The following TPO variants were observed in gnomAD, a reference collection of about 807,000 sequenced individuals.
TPO encodes thyroid peroxidase.
In TPO, 78 loss-of-function variants were observed where a neutral mutation model predicts 96.9. That is an observed-to-expected ratio of 0.81 (90% CI 0.67 to 0.97). The LOEUF is 0.97. Ranked by LOEUF, TPO falls within the 50% of genes least tolerant of loss-of-function variation. The pLI, the probability that TPO is intolerant of heterozygous loss-of-function variation, is 0.00. For synonymous variants in TPO, 547 were observed against 538.0 expected (o/e 1.02, Z -0.23); for missense variants, 1,252 against 1,274.8 (o/e 0.98, Z 0.27).
chr2:1,542,117 G>C (rs936101783), intron 16 of TPO: 3 of 507,646 alleles, frequency 5.9e-6, no homozygotes, highest in Non-Finnish European at 1.1e-5. Context: ...TTCATCTGTG[G>C]TCGCAGGGAC....
At chr2:1,447,002 G>T (rs1666889452) in intron 5 of TPO, among the ~76,000 whole-genome samples, 1 of 151,832 alleles carries the variant, frequency 6.6e-6, no homozygotes, top group Non-Finnish European at 1.5e-5. Context: ...GTGTGTGTAT[G>T]TGTGTGTGTG....
chr2:1,376,625 C>A (rs1240099688), intron 1 of TPO, among the ~76,000 whole-genome samples: 1 of 152,142 alleles, frequency 6.6e-6, no homozygotes, highest in Non-Finnish European at 1.5e-5. Flanking sequence ...ACAGCACCCC[C>A]AGTCCAGTCC....
chr2:1,535,471 C>A (rs1238020005), intron 15 of TPO, among the ~76,000 whole-genome samples: 1 of 95,934 alleles, frequency 1.0e-5, no homozygotes, highest in East Asian at 4.0e-4. Flanking sequence ...CCCAAATCAG[C>A]CCCACTCCGT....
chr2:1,515,059 G>T (rs1037534993), intron 14 of TPO, among the ~76,000 whole-genome samples: 3 of 152,158 alleles, frequency 2.0e-5, no homozygotes, highest in African/African-American at 7.2e-5. Flanking sequence ...AATCCAGCCG[G>T]AAATGTCAAA....
At chr2:1,499,517 C>T (rs1208685342) in intron 13 of TPO, among the ~76,000 whole-genome samples, 2 of 152,140 alleles carry the variant, frequency 1.3e-5, no homozygotes, top group Admixed American at 6.5e-5. Flanking sequence ...AGCCAGTGCT[C>T]CTGGTGGGCT....
At chr2:1,380,821 C>G (rs373060009) in intron 1 of TPO, among the ~76,000 whole-genome samples, 51 of 152,174 alleles carry the variant, frequency 3.4e-4, no homozygotes, top group African/African-American at 1.2e-3. Context: ...AACTGGCTCA[C>G]AGTTCTGCAG....
intron 1 of TPO, among the ~76,000 whole-genome samples, chr2:1,400,363 T>C (rs982957580): frequency 6.6e-6 from 1 of 152,168 alleles, no homozygotes; most frequent in East Asian, 1.9e-4. Context: ...CGTTCTGGCA[T>C]GTGCCTGTAA....
intron 3 of TPO, among the ~76,000 whole-genome samples, chr2:1,424,147 G>A (rs1664082303): frequency 6.6e-6 from 1 of 152,202 alleles, no homozygotes; most frequent in African/African-American, 2.4e-5. Context: ...ACACATCTTA[G>A]AGAGACATAA....
chr2:1,501,615 G>A (rs906430680), intron 13 of TPO, among the ~76,000 whole-genome samples: 3 of 152,160 alleles, frequency 2.0e-5, no homozygotes, highest in Middle Eastern at 3.2e-3. Context: ...AGGTGCCGTC[G>A]AGTTAAAGTG....
At chr2:1,534,435 AAAATTACCCCCAGTGCAAT>A (rs1679064470) in intron 15 of TPO, among the ~76,000 whole-genome samples, 1 of 100,824 alleles carries the variant, frequency 9.9e-6, no homozygotes, top group Non-Finnish European at 2.0e-5. Flanking sequence ...GCAGCCTCAC[AAAATTACCCCCAGTGCAAT>A]CTCAAATCCC....
intron 13 of TPO, 114 bp downstream of exon 13, chr2:1,496,879 T>C (rs1672409653): frequency 1.3e-6 from 2 of 1,485,490 alleles, no homozygotes; most frequent in Non-Finnish European, 1.8e-6. Flanking sequence ...AACTGTTATC[T>C]TCCCAGGAGC....
chr2:1,534,412 GCC>G (rs542076095), intron 15 of TPO, among the ~76,000 whole-genome samples: 3 of 21,720 alleles, frequency 1.4e-4, no homozygotes, highest in African/African-American at 4.6e-4. Flanking sequence ...CCCCAAATCC[GCC>G]CCCACCCTGT....
At chr2:1,481,852 G>T (rs1466753634) in intron 8 of TPO, among the ~76,000 whole-genome samples, 1 of 152,140 alleles carries the variant, frequency 6.6e-6, no homozygotes, top group Non-Finnish European at 1.5e-5. Context: ...CTCTCCAGGG[G>T]TAGCTGTGGA....
chr2:1,434,629 T>C (rs1665370964), intron 4 of TPO, among the ~76,000 whole-genome samples: 1 of 152,234 alleles, frequency 6.6e-6, no homozygotes, highest in South Asian at 2.1e-4. Context: ...TGGGTCTTTC[T>C]GGTCCATGCC....
rs532947534 is a variant in TPO, at chr2:1,496,625, A to C, written c.2246A>C (p.Glu749Ala). ...AAGTGTGGCTTCCCAGAGAGCGTGG[A>C]GAATGGGGACTTTGTGCACTGTGAG... ...DDKCGFPESVENGDFVHCEES... is the reference protein window; with the variant it reads ...DDKCGFPESVANGDFVHCEES... Residue 749 changes from glutamate to alanine, a missense_variant, in exon 13 of 17, where the codon GAG becomes GCG. By Grantham distance (107) the Glu-to-Ala change is moderately radical. Coordinates refer to ENST00000329066, the MANE Select transcript of TPO (RefSeq NM_001206744.2). 4 of 1,613,820 alleles carry C rather than the reference A, an allele frequency of 2.5e-6. No homozygotes were observed. In the African/African-American group the frequency reaches 5.3e-5, roughly 22 times the overall value.
At chr2:1,488,497 T>C (rs929599997) in intron 10 of TPO, among the ~76,000 whole-genome samples, 19 of 151,906 alleles carry the variant, frequency 1.3e-4, no homozygotes, top group African/African-American at 4.6e-4. Context: ...CCCACCCGGC[T>C]CCTGCCTTTC....
Position 1,493,803 on chromosome 2 carries a change from T to C in TPO, c.1770T>C (p.Gly590=). 1 of 1,614,068 alleles carries C rather than the reference T, an allele frequency of 6.2e-7. No individual in the cohort carries two copies. Among genetic ancestry groups the C allele is most frequent in the Non-Finnish European group, 8.5e-7 (1 of 1,180,000 alleles). ...LQRGRDHGLP[G]YNEWREFCGL... is the part of the protein sequence containing the mutation. ...CCCTGCAGCCTCTCCCCTGTGCAGG[T>C]TACAATGAGTGGAGGGAGTTCTGCG... is the stretch of plus-strand genomic sequence containing the variant. The change falls in exon 11 of 17, where the codon GGT becomes GGC. Residue 590 remains glycine (G), a splice_region_variant and synonymous_variant. Coordinates refer to ENST00000329066, the MANE Select transcript of TPO (RefSeq NM_001206744.2).
chr2:1,472,916 TTG>T (rs1669573939), intron 7 of TPO, among the ~76,000 whole-genome samples: 1 of 151,758 alleles, frequency 6.6e-6, no homozygotes, highest in Admixed American at 6.6e-5. Flanking sequence ...AATTTTAAAG[TTG>T]TCCTTTATTT....
At chr2:1,529,820 AGCCTCCCC>A (rs1677629127) in intron 15 of TPO, among the ~76,000 whole-genome samples, 1 of 118,328 alleles carries the variant, frequency 8.5e-6, no homozygotes, top group Non-Finnish European at 1.6e-5. Context: ...CATTGTGTGC[AGCCTCCCC>A]AAATCCCCCC....
Sources: gnomAD v4.1 joint callset for allele counts (sites outside exome capture counted in the v4.1 genomes callset) on GRCh38, gnomAD v4.1.1 for gene constraint, MANE v1.5 for transcripts, NCBI Gene and HGNC (gene_info 2026-07-23, HGNC 2026-07-21) for gene names.